The following WDR41 variants were observed in gnomAD, a reference collection of about 807,000 sequenced individuals.
WDR41 encodes the protein WD repeat-containing protein 41.
A neutral mutation model predicts 69.3 loss-of-function variants in WDR41; 63 were observed. The observed-to-expected ratio is 0.91, with a 90% CI of 0.74 to 1.12. The LOEUF (loss-of-function observed/expected upper bound fraction) is 1.12, where lower values mean the gene tolerates loss of function less well. WDR41 is among the 50% of genes most tolerant of loss of function. The pLI, the probability that WDR41 is intolerant of heterozygous loss-of-function variation, is 0.00. For missense variants in WDR41, 543 were observed against 534.5 expected, an observed-to-expected ratio of 1.02 and a Z score of -0.16; for synonymous variants, 185 against 192.1, an observed-to-expected ratio of 0.96 and a Z score of 0.31.
chr5:77,453,738 T>C, intron 6 of WDR41, 79 bp downstream of exon 6: 1 of 1,178,940 alleles, frequency 8.5e-7, no homozygotes, highest in African/African-American at 1.5e-5. Flanking sequence ...ACCTTTCTAC[T>C]TATGGAAAGT....
rs995020007 is a variant in WDR41, at chr5:77,582,513, G to C, written c.42+37966C>G. Reference sequence around the variant, plus strand: ...CCCAAAAGATGCTTCGAAAGGCAAGGAGGAAGCTTATCTATGAAAAAGCAA... The same window carrying C: ...CCCAAAAGATGCTTCGAAAGGCAAGCAGGAAGCTTATCTATGAAAAAGCAA... On this transcript the variant is annotated intron_variant, in intron 1 of 5. Transcript: ENST00000509971. 110 of 1,599,310 alleles carry C rather than the reference G, an allele frequency of 6.9e-5. 1 individual carries two copies. In the Admixed American group the frequency reaches 1.8e-3, roughly 26 times the overall value.
chr5:77,476,468 G>C (rs571257850), intron 2 of WDR41, among the ~76,000 whole-genome samples: 1 of 152,122 alleles, frequency 6.6e-6, no homozygotes, highest in African/African-American at 2.4e-5. Context: ...GACTCACAGC[G>C]GATCTCCTGG....
At chr5:77,583,520 GA>G (rs918286977) in intron 1 of WDR41, among the ~76,000 whole-genome samples, 17 of 134,524 alleles carry the variant, frequency 1.3e-4, no homozygotes, top group South Asian at 4.8e-4. Context: ...TCAGAAAAAA[GA>G]AAAAAAAAAG....
At chr5:77,494,316 C>T (rs1801907390), upstream of WDR41, among the ~76,000 whole-genome samples, 1 of 151,722 alleles carries the variant, frequency 6.6e-6, no homozygotes, top group Non-Finnish European at 1.5e-5. Context: ...TCCTCTTTAT[C>T]AGTAATTACT....
rs191035562 is a variant in WDR41 at position 77,502,061 on chromosome 5, A to T, written c.43-12489T>A. Among the ~76,000 whole-genome samples, 850 of 152,194 alleles carry T rather than the reference A, an allele frequency of 5.6e-3. 16 individuals carry two copies. Among genetic ancestry groups the T allele is most frequent in the Admixed American group, 0.022 (337 of 15,304 alleles). On this transcript the variant is annotated intron_variant, in intron 1 of 5. Coordinates refer to the WDR41 transcript ENST00000509971. ...AATAGGCTTCAGAAAGTTGGTAATA[A>T]CAAACTCCTCTGAGCTAAAGGAGCA...
intron 1 of WDR41, among the ~76,000 whole-genome samples, chr5:77,530,135 G>A (rs976876696): frequency 1.4e-4 from 21 of 151,564 alleles, no homozygotes; most frequent in Non-Finnish European, 1.5e-4. Context: ...ACCATGACAT[G>A]TCCACCAGAA....
chr5:77,533,515 G>A (rs548334651), intron 1 of WDR41, among the ~76,000 whole-genome samples: 1 of 152,138 alleles, frequency 6.6e-6, no homozygotes, highest in Admixed American at 6.5e-5. Context: ...CCAAGTACAG[G>A]CAATGTATAT....
intron 11 of WDR41, 136 bp from the exon 12 acceptor site, chr5:77,436,530 T>C: frequency 9.7e-7 from 1 of 1,029,136 alleles, no homozygotes; most frequent in Middle Eastern, 3.0e-4. Flanking sequence ...CTGAGCACCG[T>C]GCTAGGGTTT....
At chr5:77,590,699 A>G (rs1276088116) in intron 1 of WDR41, among the ~76,000 whole-genome samples, 1 of 152,184 alleles carries the variant, frequency 6.6e-6, no homozygotes, top group African/African-American at 2.4e-5. Context: ...GTGATAAGGG[A>G]GGAGTCCTCC....
At chr5:77,452,608 C>T (rs1799670004) in intron 6 of WDR41, 1 of 152,190 alleles carries the variant, frequency 6.6e-6, no homozygotes, top group South Asian at 2.1e-4. Context: ...TCTAATAACA[C>T]TATTAACAAT....
intron 1 of WDR41, among the ~76,000 whole-genome samples, chr5:77,490,532 A>G (rs1801727181): frequency 6.6e-6 from 1 of 152,214 alleles, no homozygotes; most frequent in Non-Finnish European, 1.5e-5. Context: ...CAGCAGTTAT[A>G]CAACTCAATT....
intron 1 of WDR41, among the ~76,000 whole-genome samples, chr5:77,543,000 C>T (rs1743120366): frequency 6.6e-6 from 1 of 152,164 alleles, no homozygotes; most frequent in Non-Finnish European, 1.5e-5. Context: ...ATAACCCCCA[C>T]TACCAGCCCA....
chr5:77,476,935 C>T (rs1283053913), intron 2 of WDR41, among the ~76,000 whole-genome samples: 5 of 144,114 alleles, frequency 3.5e-5, no homozygotes, highest in African/African-American at 8.3e-5. Context: ...ATCCATCTCA[C>T]GTGCAGAGAC....
chr5:77,513,558 G>T (rs1289322380), intron 1 of WDR41, among the ~76,000 whole-genome samples: 1 of 151,996 alleles, frequency 6.6e-6, no homozygotes, highest in Non-Finnish European at 1.5e-5. Context: ...CTTCCTCCTT[G>T]CATTCAGGGA....
intron 2 of WDR41, among the ~76,000 whole-genome samples, chr5:77,482,169 C>A (rs1185999322): frequency 1.3e-5 from 2 of 152,180 alleles, no homozygotes; most frequent in African/African-American, 4.8e-5. Context: ...CCACTAGTGT[C>A]TTATCTGCAC....
intron 1 of WDR41, among the ~76,000 whole-genome samples, chr5:77,605,444 G>A (rs191641987): frequency 3.9e-5 from 6 of 152,294 alleles, no homozygotes; most frequent in Admixed American, 3.3e-4. Flanking sequence ...GGTGTGTGGT[G>A]GAAGTTGCCC....
intron 1 of WDR41, among the ~76,000 whole-genome samples, chr5:77,559,740 G>A (rs1743488013): frequency 6.6e-6 from 1 of 151,970 alleles, no homozygotes; most frequent in Non-Finnish European, 1.5e-5. Flanking sequence ...ATAGGAAAGA[G>A]TCCTGAAATC....
intron 1 of WDR41, among the ~76,000 whole-genome samples, chr5:77,594,669 C>T (rs1296779782): frequency 6.6e-6 from 1 of 152,100 alleles, no homozygotes; most frequent in Non-Finnish European, 1.5e-5. Flanking sequence ...AAGTCTACTT[C>T]TAGAAACCAA....
At chr5:77,585,158 C>T (rs1296552834) in intron 1 of WDR41, among the ~76,000 whole-genome samples, 1 of 150,732 alleles carries the variant, frequency 6.6e-6, no homozygotes, top group Non-Finnish European at 1.5e-5. Context: ...AAAAAGTGGG[C>T]TAAGGACCTG....
Sources: gnomAD v4.1 joint callset for allele counts (sites outside exome capture counted in the v4.1 genomes callset) on GRCh38, gnomAD v4.1.1 for gene constraint, MANE v1.5 for transcripts, NCBI Gene and HGNC (gene_info 2026-07-23, HGNC 2026-07-21) for gene names.